Variants in COA8 observed in about 807,000 individuals in gnomAD.
COA8 encodes cytochrome c oxidase assembly factor 8.
A neutral mutation model predicts 22.0 loss-of-function variants in COA8; 20 were observed. That is an observed-to-expected ratio of 0.91 (90% CI 0.64 to 1.32). The LOEUF (loss-of-function observed/expected upper bound fraction) is 1.32, where lower values mean the gene tolerates loss of function less well. Among genes scored for constraint, COA8 ranks in the 40% most tolerant of loss-of-function variants. COA8 has a pLI of 0.00. For missense variants in COA8, 266 were observed against 230.0 expected, an observed-to-expected ratio of 1.16 and a Z score of -1.01; for synonymous variants, 105 against 79.9, an observed-to-expected ratio of 1.31 and a Z score of -1.68.
chr14:103,566,529 A>G (rs1168492614), intron 1 of COA8, among the ~76,000 whole-genome samples: 3 of 152,252 alleles, frequency 2.0e-5, no homozygotes, highest in Non-Finnish European at 2.9e-5. Flanking sequence ...TAAAACACCA[A>G]TGGAAACATT....
chr14:103,569,290 AG>A (rs2076162771), intron 1 of COA8, among the ~76,000 whole-genome samples: 1 of 152,224 alleles, frequency 6.6e-6, no homozygotes, highest in African/African-American at 2.4e-5. Flanking sequence ...CCGTGAATAA[AG>A]GCAGAAACAT....
intron 1 of COA8, 183 bp downstream of exon 1, chr14:103,563,307 G>A (rs1258783046): frequency 1.2e-6 from 1 of 830,130 alleles, no homozygotes; most frequent in African/African-American, 1.7e-5. Flanking sequence ...AGTCGGATGG[G>A]ACTGAGGGTG....
chr14:103,587,152 A>C, intron 3 of COA8, 122 bp from the exon 4 acceptor site: 1 of 591,132 alleles, frequency 1.7e-6, no homozygotes, highest in Admixed American at 3.1e-5. Context: ...AATACAATTG[A>C]TGTTTGTATA....
At chr14:103,578,368 A>AG (rs1318548714) in intron 3 of COA8, among the ~76,000 whole-genome samples, 1 of 152,252 alleles carries the variant, frequency 6.6e-6, no homozygotes, top group Non-Finnish European at 1.5e-5. Flanking sequence ...GCAGCAGTGC[A>AG]GAAAAATGAG....
At chr14:103,578,024 CAAAAAAAAAA>C (rs780479034) in intron 3 of COA8, among the ~76,000 whole-genome samples, 2 of 49,144 alleles carry the variant, frequency 4.1e-5, no homozygotes, top group East Asian at 1.5e-3. Context: ...AACTCCATCT[CAAAAAAAAAA>C]AAAAAAAAAA....
intron 3 of COA8, among the ~76,000 whole-genome samples, chr14:103,576,328 G>A (rs1281764900): frequency 1.3e-4 from 20 of 151,970 alleles, no homozygotes; most frequent in African/African-American, 3.4e-4. Flanking sequence ...AAAGAAAGTC[G>A]ATTGTTTATG....
At chr14:103,570,235 G>A (rs1355337195) in intron 1 of COA8, among the ~76,000 whole-genome samples, 1 of 152,050 alleles carries the variant, frequency 6.6e-6, no homozygotes, top group African/African-American at 2.4e-5. Context: ...AAATGTTGAA[G>A]GTCTGTATTG....
chr14:103,564,510 A>T (rs924507659), intron 1 of COA8, among the ~76,000 whole-genome samples: 1 of 151,070 alleles, frequency 6.6e-6, no homozygotes, highest in Non-Finnish European at 1.5e-5. Context: ...TATTTTGTGA[A>T]CTTGTGCTGG....
intron 1 of COA8, 153 bp downstream of exon 1, chr14:103,563,277 G>A (rs1356538429): frequency 1.9e-6 from 2 of 1,058,650 alleles, no homozygotes; most frequent in South Asian, 1.4e-5. Flanking sequence ...CAGCCCCGAG[G>A]CTCCCGCATC....
chr14:103,590,160 G>C (rs1164987676), intron 4 of COA8, 21 bp from the exon 5 acceptor site: 2 of 1,603,462 alleles, frequency 1.2e-6, no homozygotes, highest in South Asian at 2.2e-5. Context: ...TGTCACCTGT[G>C]CATCCTCTGT....
chr14:103,586,732 C>A (rs1030283753), intron 3 of COA8, among the ~76,000 whole-genome samples: 1 of 151,358 alleles, frequency 6.6e-6, no homozygotes, highest in Non-Finnish European at 1.5e-5. Context: ...CCACCCCCCA[C>A]CGGCCCCAGT....
chr14:103,584,356 A>G (rs192279959), intron 3 of COA8, among the ~76,000 whole-genome samples: 27 of 152,146 alleles, frequency 1.8e-4, no homozygotes, highest in Non-Finnish European at 3.2e-4. Flanking sequence ...CAAAACTGAA[A>G]GTTTTGAGCT....
intron 3 of COA8, among the ~76,000 whole-genome samples, chr14:103,585,577 CTTTTTTTT>C (rs143878801): frequency 5.1e-4 from 65 of 128,566 alleles, no homozygotes; most frequent in Non-Finnish European, 8.2e-4. Context: ...GGTTTTTTCT[CTTTTTTTT>C]TTTTTTTTTG....
At chr14:103,568,834 G>T (rs1379154084) in intron 1 of COA8, among the ~76,000 whole-genome samples, 4 of 152,164 alleles carry the variant, frequency 2.6e-5, no homozygotes, top group African/African-American at 9.6e-5. Flanking sequence ...GTTTCACCAT[G>T]TTGGCCAGGC....
At chr14:103,580,462 C>T (rs2076259435) in intron 3 of COA8, among the ~76,000 whole-genome samples, 1 of 151,802 alleles carries the variant, frequency 6.6e-6, no homozygotes, top group South Asian at 2.1e-4. Flanking sequence ...CATCTGCCAC[C>T]ATACCCAGCT....
intron 2 of COA8, among the ~76,000 whole-genome samples, chr14:103,573,534 T>C (rs1339367663): frequency 6.6e-6 from 1 of 151,938 alleles, no homozygotes; most frequent in African/African-American, 2.4e-5. Context: ...TATCATATTC[T>C]GTGGAGGGTT....
intron 3 of COA8, among the ~76,000 whole-genome samples, chr14:103,586,200 CTT>C (rs71126040): frequency 2.0e-4 from 19 of 92,684 alleles, no homozygotes; most frequent in Non-Finnish European, 1.9e-4. Flanking sequence ...TGCACCTGGC[CTT>C]TTTTTTTTTT....
At chr14:103,571,580 A>G (rs767590069) in intron 1 of COA8, 43 bp from the exon 2 acceptor site, 4 of 1,484,222 alleles carry the variant, frequency 2.7e-6, no homozygotes, top group Non-Finnish European at 3.7e-6. Flanking sequence ...ATAATACTAG[A>G]GATTCATTTT....
intron 3 of COA8, among the ~76,000 whole-genome samples, chr14:103,582,787 T>G (rs2151185184): frequency 7.0e-6 from 1 of 142,984 alleles, no homozygotes; most frequent in South Asian, 2.3e-4. Flanking sequence ...CCTGCCTAAA[T>G]TCACCCTTTT....
Sources: allele counts gnomAD v4.1 joint callset (sites outside exome capture counted in the v4.1 genomes callset), GRCh38; gene constraint gnomAD v4.1.1; transcripts MANE v1.5; gene names NCBI Gene and HGNC (gene_info 2026-07-23, HGNC 2026-07-21).